FBXW10: variants seen among roughly 807,000 people sequenced by gnomAD.
FBXW10 encodes F-box/WD repeat-containing protein 10.
FBXW10 carries 68 observed loss-of-function variants against 113.1 expected under a neutral mutation model. The observed-to-expected ratio is 0.60, with a 90% CI of 0.49 to 0.74. FBXW10 has a LOEUF of 0.74. Among genes scored for constraint, FBXW10 ranks in the 30% least tolerant of loss-of-function variants. FBXW10 has a pLI of 0.00. For missense variants in FBXW10, 753 were observed against 1,284.5 expected, an observed-to-expected ratio of 0.59 and a Z score of 6.32; for synonymous variants, 289 against 481.6, an observed-to-expected ratio of 0.60 and a Z score of 5.24.
At chr17:18,754,159 C>T (rs867999517) in intron 5 of FBXW10, among the ~76,000 whole-genome samples, 123 of 151,298 alleles carry the variant, frequency 8.1e-4, no homozygotes, top group African/African-American at 2.7e-3. Context: ...AGAAAGTGGC[C>T]GAGGTCTCAC....
Position 18,772,620 on chromosome 17 carries a change from G to C in FBXW10, c.2215G>C (p.Glu739Gln), listed in dbSNP as rs1480524981. The C allele has an allele frequency of 6.2e-7, 1 of 1,614,084 alleles. No homozygotes were observed. Among genetic ancestry groups the C allele is most frequent in the Non-Finnish European group, 8.5e-7 (1 of 1,179,972 alleles). ...ATCCAGTAAACAAACTGTGATCCAA[G>C]AGCTCCTACCAGGCAAACCTCCCAA... ...SVSSKQTVIQELLPGKPPKSR... is the reference protein window; with the variant it reads ...SVSSKQTVIQQLLPGKPPKSR... The change falls in exon 12 of 14, where the codon GAG becomes CAG. Residue 739 changes from glutamate (E) to glutamine (Q), a missense_variant. Physicochemically the swap from Glu to Gln is conservative, Grantham distance 29. Coordinates refer to ENST00000395665, the MANE Select transcript of FBXW10 (RefSeq NM_001267585.2).
rs149142028 is a variant in FBXW10, at chr17:18,769,949, C to G, written c.1870C>G (p.Leu624Val). Reference protein sequence around the residue: ...HPKEVLDVSLLFLRVISACAD... With the variant: ...HPKEVLDVSLVFLRVISACAD... ...CAGGGAGGTGCTCGACGTGTCCCTT[C>G]TCTTCCTCCGGGTCATCAGCGCCTG... The change falls in exon 11 of 14, where the codon CTC (leucine) becomes GTC (valine). Residue 624 changes from leucine (L) to valine (V), a missense_variant. Transcript: ENST00000395665. The G allele has an allele frequency of 5.6e-6, 9 of 1,614,090 alleles. No homozygotes were observed. In the African/African-American group the frequency reaches 1.1e-4, roughly 19 times the overall value.
At position 18,765,097 on chromosome 17, in the gene FBXW10, G is replaced by GA. The variant is rs547248070; in HGVS notation, c.1555+242dup. ...TACACACTGAGCTAAGTGCTGAGGA[G>GA]AAAAAAAATAATAGGATATGGCCCT... On this transcript the variant is annotated intron_variant, in intron 8 of 13. Coordinates refer to ENST00000395665, the MANE Select transcript of FBXW10 (RefSeq NM_001267585.2). 3.6e-3 allele frequency among the ~76,000 whole-genome samples: 552 copies of GA among 151,784 alleles called. 3 individuals are homozygous for GA. The highest frequency in any genetic ancestry group is 0.012 in the African/African-American group (507 of 41,424).
intron 13 of FBXW10, 128 bp downstream of exon 13, chr17:18,775,320 G>T (rs1020287484): frequency 1.5e-6 from 1 of 651,922 alleles, no homozygotes; most frequent in Admixed American, 2.5e-5. Context: ...TTAGTGGCAA[G>T]ATCCAAACTC....
Position 18,778,738 on chromosome 17 carries a change from G to A in FBXW10, c.2599G>A (p.Val867Ile). ...NFKGKSIQRA[V>I]DRLRLSNPPI... ...CAAAGGAAAATCAATCCAACGTGCAGTTGATCGGTTGAGATTGAGCAATCC... is the reference window on the plus strand; with the variant it reads ...CAAAGGAAAATCAATCCAACGTGCAATTGATCGGTTGAGATTGAGCAATCC... Residue 867 changes from valine to isoleucine, a missense_variant, in exon 14 of 14, where the codon GTT (valine) becomes ATT (isoleucine). Val to Ile is a conservative substitution (Grantham distance 29). Transcript: ENST00000395665. The A allele has an allele frequency of 1.2e-6, 2 of 1,613,558 alleles. No homozygotes were observed. Among genetic ancestry groups the A allele is most frequent in the Non-Finnish European group, 1.7e-6 (2 of 1,179,682 alleles).
At chr17:18,772,241 C>T (rs543294496) in intron 11 of FBXW10, among the ~76,000 whole-genome samples, 171 bp from the exon 12 acceptor site, 3 of 152,322 alleles carry the variant, frequency 2.0e-5, no homozygotes, top group Non-Finnish European at 4.4e-5. Flanking sequence ...GCTGCATCTC[C>T]TGGTAACTTT....
chr17:18,752,194 G>A (rs561816690), intron 5 of FBXW10, among the ~76,000 whole-genome samples: 2 of 152,162 alleles, frequency 1.3e-5, no homozygotes, highest in South Asian at 2.1e-4. Flanking sequence ...GGGCAGTAGC[G>A]GACGGTGTGG....
intron 7 of FBXW10, among the ~76,000 whole-genome samples, chr17:18,761,077 G>A (rs765739140): frequency 5.3e-4 from 80 of 151,970 alleles, no homozygotes; most frequent in Non-Finnish European, 9.4e-4. Flanking sequence ...ATTGATTTGA[G>A]GTGCTATCTT....
chr17:18,745,008 A>G, intron 1 of FBXW10: 2 of 1,373,178 alleles, frequency 1.5e-6, no homozygotes, highest in Non-Finnish European at 1.9e-6. Flanking sequence ...AGCATTTATC[A>G]TGGATTTCTG....
chr17:18,766,545 G>A (rs2035499942), intron 8 of FBXW10, among the ~76,000 whole-genome samples, 169 bp from the exon 9 acceptor site: 1 of 152,190 alleles, frequency 6.6e-6, no homozygotes, highest in African/African-American at 2.4e-5. Flanking sequence ...TGAGCGGTTG[G>A]TGAGCCTGCT....
Position 18,749,687 on chromosome 17 carries a change from A to G in FBXW10, c.671-35A>G, listed in dbSNP as rs368499866. The G allele has an allele frequency of 3.7e-6, 6 of 1,613,568 alleles. No homozygotes were observed. The African/African-American group carries it at 6.7e-5, about 18-fold the overall frequency. Reference sequence around the variant, plus strand: ...TTGGCCTGGAGTTTCTACAGAGCCAACTCAACCACGTACCTTTCTCTGGCT... The same window carrying G: ...TTGGCCTGGAGTTTCTACAGAGCCAGCTCAACCACGTACCTTTCTCTGGCT... On this transcript the variant is annotated intron_variant, in intron 2 of 13. Transcript: ENST00000395665.
intron 7 of FBXW10, among the ~76,000 whole-genome samples, chr17:18,762,237 CT>C (rs1338858590): frequency 6.6e-6 from 1 of 151,980 alleles, no homozygotes; most frequent in Non-Finnish European, 1.5e-5. Context: ...GCTGGGATTA[CT>C]GGCGTGAGCT....
rs769960878 is a variant in FBXW10 at position 18,748,048 on chromosome 17, C to T, written c.613C>T (p.Leu205Phe). The T allele has an allele frequency of 2.5e-6, 4 of 1,613,856 alleles. No homozygotes were observed. The highest frequency in any genetic ancestry group is 2.2e-5 in the South Asian group (2 of 91,070). Reference sequence around the variant, plus strand: ...GACAGCCAAAACTCAGCACACATCCCTTCCTTTGTCCAAAGCCCCAGAAAA... The same window carrying T: ...GACAGCCAAAACTCAGCACACATCCTTTCCTTTGTCCAAAGCCCCAGAAAA... ...YWTAKTQHTSLPLSKAPENEH... is the reference protein window; with the variant it reads ...YWTAKTQHTSFPLSKAPENEH... Residue 205 changes from leucine to phenylalanine, a missense_variant, in exon 2 of 14, where the codon CTT (leucine) becomes TTT (phenylalanine). Transcript: ENST00000395665.
chr17:18,753,044 C>G (rs2035198245), intron 5 of FBXW10, among the ~76,000 whole-genome samples: 1 of 152,166 alleles, frequency 6.6e-6, no homozygotes, highest in African/African-American at 2.4e-5. Flanking sequence ...ATTGTACTGT[C>G]ATCTTGGACA....
At chr17:18,758,118 A>G (rs1250389765) in intron 6 of FBXW10, among the ~76,000 whole-genome samples, 187 bp from the exon 7 acceptor site, 1 of 152,194 alleles carries the variant, frequency 6.6e-6, no homozygotes, top group Non-Finnish European at 1.5e-5. Flanking sequence ...GATTTTTGTC[A>G]TCGTGTGAGA....
chr17:18,755,002 C>T (rs987417602), intron 5 of FBXW10, among the ~76,000 whole-genome samples: 11 of 152,176 alleles, frequency 7.2e-5, no homozygotes, highest in African/African-American at 2.2e-4. Flanking sequence ...GTGGCTCACA[C>T]GTGTAATCCC....
rs1249669451 is a variant in FBXW10, at chr17:18,779,066, T to C, written c.2927T>C (p.Leu976Pro). Reference sequence around the variant, plus strand: ...GAACGGCCTCGCATCTATACAGCCCTTGATCCTTTTAGAGTGAACACTGAG... The same window carrying C: ...GAACGGCCTCGCATCTATACAGCCCCTGATCCTTTTAGAGTGAACACTGAG... Reference protein sequence around the residue: ...KKERPRIYTALDPFRVNTEFV... With the variant: ...KKERPRIYTAPDPFRVNTEFV... Residue 976 changes from leucine (L) to proline (P), a missense_variant, in exon 14 of 14, where the codon CTT (leucine) becomes CCT (proline). Transcript: ENST00000395665. 2.8e-6 allele frequency: 4 copies of C among 1,406,402 alleles called. 1 individual carries two copies. Among genetic ancestry groups the C allele is most frequent in the Non-Finnish European group, 2.0e-6 (2 of 1,005,804 alleles). The allele number at this position is 1,406,402 out of a possible 1,614,324, so 87.1% of individuals were successfully genotyped here.
At chr17:18,765,908 TA>T (rs1304806924) in intron 8 of FBXW10, among the ~76,000 whole-genome samples, 1 of 151,260 alleles carries the variant, frequency 6.6e-6, no homozygotes, top group Non-Finnish European at 1.5e-5. Context: ...TTTTTTTTTT[TA>T]GTAGAGACGG....
Position 18,766,818 on chromosome 17 carries a change from G to C in FBXW10, c.1660G>C (p.Gly554Arg). The change falls in exon 9 of 14, where the codon GGG (glycine) becomes CGG (arginine). Residue 554 changes from glycine (G) to arginine (R), a missense_variant. Gly to Arg is a moderately radical substitution (Grantham distance 125). Coordinates refer to ENST00000395665, the MANE Select transcript of FBXW10 (RefSeq NM_001267585.2). ...CTACATTGTGAGCAGCTGTGAGCGA[G>C]GGCTGGTGAAAGTGTGGCACATTGC... ...DTYIVSSCER[G>R]LVKVWHIAMA... 1 of 1,612,068 alleles carries C rather than the reference G, an allele frequency of 6.2e-7. No individual in the cohort carries two copies. Among genetic ancestry groups the C allele is most frequent in the Non-Finnish European group, 8.5e-7 (1 of 1,178,340 alleles).
Sources: gnomAD v4.1 joint callset for allele counts (sites outside exome capture counted in the v4.1 genomes callset) on GRCh38, gnomAD v4.1.1 for gene constraint, MANE v1.5 for transcripts, NCBI Gene and HGNC (gene_info 2026-07-23, HGNC 2026-07-21) for gene names.